OPA1: variants seen among roughly 807,000 people sequenced by gnomAD.
OPA1 encodes the protein dynamin-like GTPase OPA1, mitochondrial.
OPA1 carries 59 observed loss-of-function variants against 152.9 expected under a neutral mutation model. That is an observed-to-expected ratio of 0.39 (90% CI 0.31 to 0.48). OPA1 has a LOEUF of 0.48. Ranked by LOEUF, OPA1 falls within the 20% of genes least tolerant of loss-of-function variation. The pLI is 0.96. For missense variants in OPA1, 1,008 were observed against 1,216.8 expected, an observed-to-expected ratio of 0.83 and a Z score of 2.55; for synonymous variants, 400 against 389.9, an observed-to-expected ratio of 1.03 and a Z score of -0.31.
In OPA1 at chr3:193,666,331, A is replaced by G. The variant is rs1177373525; in HGVS notation, c.2814A>G (p.Ile938Met). 4.3e-6 allele frequency: 7 copies of G among 1,614,212 alleles called. No homozygotes were observed. Among genetic ancestry groups the G allele is most frequent in the East Asian group, 4.5e-5 (2 of 44,884 alleles). Residue 938 changes from isoleucine (I) to methionine (M), a missense_variant, in exon 28 of 31, where the codon ATA (isoleucine) becomes ATG (methionine). Transcript: ENST00000361510. ...ATGATGTGGTCTTGTTTTGGCGTAT[A>G]CAGCGCATGCTTGCTATCACCGCAA... ...ECNDVVLFWRIQRMLAITANT... is the reference protein window; with the variant it reads ...ECNDVVLFWRMQRMLAITANT...
intron 8 of OPA1, among the ~76,000 whole-genome samples, chr3:193,634,630 G>C (rs1299867252): frequency 6.6e-6 from 1 of 152,070 alleles, no homozygotes; most frequent in African/African-American, 2.4e-5. Context: ...GAATGCTCTC[G>C]ATCTCTTGGC....
intron 7 of OPA1, among the ~76,000 whole-genome samples, chr3:193,630,726 A>T (rs112558041): frequency 6.6e-6 from 1 of 152,154 alleles, no homozygotes; most frequent in Non-Finnish European, 1.5e-5. Flanking sequence ...TGGGATGACA[A>T]CTTCTGCCTC....
chr3:193,684,725 A>G (rs1245127584), intron 29 of OPA1, among the ~76,000 whole-genome samples: 2 of 152,040 alleles, frequency 1.3e-5, no homozygotes, highest in Admixed American at 1.3e-4. Flanking sequence ...TGCTGGGATT[A>G]CAGGCGTGAG....
rs77880194 is a variant in OPA1 at position 193,651,827 on chromosome 3, A to G, written c.2012+2956A>G. 1.1e-4 allele frequency among the ~76,000 whole-genome samples: 16 copies of G among 152,252 alleles called. No individual in the cohort carries two copies. The East Asian group carries it at 3.1e-3, about 29-fold the overall frequency. ...CCATAAATAGTGGTTATCTTATAAA[A>G]GAGGAACTATGGGGTACTTCTTACA... On this transcript the variant is annotated intron_variant, in intron 21 of 30. Transcript: ENST00000361510.
In OPA1 at chr3:193,614,857, G is replaced by A; in HGVS notation, c.167G>A (p.Arg56Lys). The change falls in exon 2 of 31, where the codon AGG (arginine) becomes AAG (lysine). Residue 56 changes from arginine to lysine, a missense_variant. Physicochemically the swap from Arg to Lys is conservative, Grantham distance 26. Around this residue, in one of 7 missense-constraint regions of OPA1, gnomAD observed 408 missense variants for 395.1 expected, o/e 1.03. Transcript: ENST00000361510. ...TTAAAGCTTCAACGACCCCAATTAA[G>A]GACATCCTTTCAGCAGTTCTCTTCT... ...PTLKLQRPQL[R>K]TSFQQFSSLT... is the part of the protein sequence containing the mutation. The A allele has an allele frequency of 1.9e-6, 3 of 1,614,062 alleles. No individual in the cohort carries two copies. The highest frequency in any genetic ancestry group is 2.5e-6 in the Non-Finnish European group (3 of 1,179,936).
At chr3:193,631,904 A>G in intron 8 of OPA1, 1 of 570,368 alleles carries the variant, frequency 1.8e-6, no homozygotes, top group Admixed American at 3.3e-5. Context: ...TCTTATGCCC[A>G]AAAGGGAGAA....
At chr3:193,686,877 G>A (rs1721004093) in intron 29 of OPA1, among the ~76,000 whole-genome samples, 1 of 151,878 alleles carries the variant, frequency 6.6e-6, no homozygotes, top group Admixed American at 6.6e-5. Flanking sequence ...TTGGATGTGT[G>A]GTTTGCTTAA....
chr3:193,683,251 CAAAG>C (rs1446742794), intron 29 of OPA1, among the ~76,000 whole-genome samples: 4 of 146,284 alleles, frequency 2.7e-5, no homozygotes, highest in African/African-American at 5.1e-5. Flanking sequence ...TATGGACAAG[CAAAG>C]AAAGTGGTTT....
rs569817838 is a variant in OPA1, at chr3:193,676,781, C to G, written c.2983+9501C>G. ...GGATCACAAGGTCAGGAGATCCAGACCATCCTGGCTAACACAGTGAAACCC... is the reference window on the plus strand; with the variant it reads ...GGATCACAAGGTCAGGAGATCCAGAGCATCCTGGCTAACACAGTGAAACCC... On this transcript the variant is annotated intron_variant, in intron 29 of 30. Transcript: ENST00000361510. 1.2e-4 allele frequency among the ~76,000 whole-genome samples: 19 copies of G among 152,208 alleles called. No individual in the cohort carries two copies. In the East Asian group the frequency reaches 1.5e-3, roughly 12 times the overall value.
chr3:193,644,891 G>A (rs1734312982), intron 16 of OPA1, among the ~76,000 whole-genome samples: 1 of 152,132 alleles, frequency 6.6e-6, no homozygotes, highest in African/African-American at 2.4e-5. Context: ...TCTTAAAGGA[G>A]GGATTCTCAT....
intron 25 of OPA1, 101 bp downstream of exon 25, chr3:193,659,662 G>C: frequency 1.2e-6 from 1 of 814,906 alleles, no homozygotes; most frequent in Non-Finnish European, 2.0e-6. Flanking sequence ...CCAGTCTCAG[G>C]AATATTAAAT....
rs748872103 is a variant in OPA1, at chr3:193,657,188, A to G, written c.2287A>G (p.Ser763Gly). Residue 763 changes from serine (S) to glycine (G), a missense_variant, in exon 23 of 31, where the codon AGT (serine) becomes GGT (glycine). Physicochemically the swap from Ser to Gly is moderately conservative, Grantham distance 56 (BLOSUM62 0). This residue lies in a region of OPA1 where 229 missense variants were observed against 269.0 expected (regional missense o/e 0.85). Transcript: ENST00000361510. ...ACTTAAAGAGGCTGTTAAGGAAGAA[A>G]GTATTAAACGACACAAGTGGAATGA... is the stretch of plus-strand genomic sequence containing the variant. ...DKLKEAVKEE[S>G]IKRHKWNDFA... 19 of 1,613,926 alleles carry G rather than the reference A, an allele frequency of 1.2e-5. No homozygotes were observed. The highest frequency in any genetic ancestry group is 1.6e-5 in the Non-Finnish European group (19 of 1,179,970).
intron 29 of OPA1, among the ~76,000 whole-genome samples, chr3:193,672,331 T>G (rs1230849908): frequency 6.6e-6 from 1 of 152,184 alleles, no homozygotes; most frequent in Non-Finnish European, 1.5e-5. Context: ...TAACAATTGG[T>G]AGTAGTGTTT....
In OPA1 at chr3:193,642,971, T is replaced by C; in HGVS notation, c.1231-4T>C. ...TTTTCTTAGGATTTTGTGTTTTCCATTAGCTTGCAGCATTAAGACATGAAA... is the reference window on the plus strand; with the variant it reads ...TTTTCTTAGGATTTTGTGTTTTCCACTAGCTTGCAGCATTAAGACATGAAA... On this transcript the variant is annotated splice_polypyrimidine_tract_variant and splice_region_variant and intron_variant, in intron 12 of 30. Coordinates refer to ENST00000361510, the MANE Select transcript of OPA1 (RefSeq NM_130837.3). The C allele has an allele frequency of 1.9e-6, 3 of 1,613,114 alleles. No individual in the cohort carries two copies. Among genetic ancestry groups the C allele is most frequent in the East Asian group, 2.2e-5 (1 of 44,830 alleles).
chr3:193,670,565 C>A (rs375217054), intron 29 of OPA1, among the ~76,000 whole-genome samples: 38 of 151,808 alleles, frequency 2.5e-4, no homozygotes, highest in African/African-American at 8.9e-4. Context: ...ACGGGGTTTC[C>A]CCATGTTAGC....
rs760300107 is a variant in OPA1 at position 193,648,114 on chromosome 3, C to T, written c.1915C>T (p.Arg639Cys). 7.4e-6 allele frequency: 12 copies of T among 1,612,940 alleles called. No individual in the cohort carries two copies. The highest frequency in any genetic ancestry group is 2.2e-5 in the South Asian group (2 of 91,046). The change falls in exon 20 of 31, where the codon CGC becomes TGC. Residue 639 changes from arginine (R) to cysteine (C), a missense_variant. Arg to Cys is a radical substitution (Grantham distance 180). Coordinates refer to ENST00000361510, the MANE Select transcript of OPA1 (RefSeq NM_130837.3). ...LETEWKNNYP[R>C]LRELDRNELF... is the part of the protein sequence containing the mutation. ...AACTGAATGGAAGAATAACTATCCT[C>T]GCCTGCGGGAACTTGACCGGGTAAT...
chr3:193,635,541 G>T lies in OPA1; in HGVS notation c.948+19G>T. 1 of 1,465,488 alleles carries T rather than the reference G, an allele frequency of 6.8e-7. No individual in the cohort carries two copies. Among genetic ancestry groups the T allele is most frequent in the Non-Finnish European group, 9.6e-7 (1 of 1,044,990 alleles). The allele number at this position is 1,465,488 out of a possible 1,614,324, so 90.8% of individuals were successfully genotyped here. The stretch of plus-strand genomic sequence containing the variant: ...GCTTAAGGTATTCTAAGTTTGTCTT[G>T]TTTATTCTCAAAATTTTACCGCTTA... On this transcript the variant is annotated intron_variant, in intron 9 of 30. Transcript: ENST00000361510.
At chr3:193,694,354 G>A (rs973932971) in intron 30 of OPA1, among the ~76,000 whole-genome samples, 1 of 152,122 alleles carries the variant, frequency 6.6e-6, no homozygotes, top group Non-Finnish European at 1.5e-5. Flanking sequence ...TTTGCTGAAG[G>A]TGTTTATATG....
chr3:193,646,741 C>G (rs1340094368), intron 18 of OPA1, among the ~76,000 whole-genome samples: 25 of 152,058 alleles, frequency 1.6e-4, no homozygotes, highest in Non-Finnish European at 1.5e-5. Flanking sequence ...CCACTGCACT[C>G]CAGCCCGGAC....
Sources: gnomAD v4.1 joint callset for allele counts (sites outside exome capture counted in the v4.1 genomes callset) on GRCh38, gnomAD v4.1.1 for gene constraint, gnomAD v4.1.1 regional missense constraint, MANE v1.5 for transcripts, NCBI Gene and HGNC (gene_info 2026-07-23, HGNC 2026-07-21) for gene names.